FER: variants seen among roughly 807,000 people sequenced by gnomAD.
The protein encoded by FER is tyrosine-protein kinase Fer.
FER carries 63 observed loss-of-function variants against 111.0 expected under a neutral mutation model. The observed-to-expected ratio is 0.57, with a 90% CI of 0.46 to 0.70. FER has a LOEUF of 0.70. FER is among the 30% of genes least tolerant of loss of function. The pLI is 0.00. For synonymous variants in FER, 327 were observed against 313.9 expected, an observed-to-expected ratio of 1.04 and a Z score of -0.44; for missense variants, 914 against 954.0, an observed-to-expected ratio of 0.96 and a Z score of 0.55.
intron 5 of FER, among the ~76,000 whole-genome samples, chr5:108,841,107 T>C (rs1033908809): frequency 2.0e-5 from 3 of 152,220 alleles, no homozygotes; most frequent in Non-Finnish European, 4.4e-5. Flanking sequence ...AAAGCTTTGC[T>C]GATACCCTTC....
At chr5:109,129,860 C>T (rs902535019) in intron 17 of FER, among the ~76,000 whole-genome samples, 1 of 151,886 alleles carries the variant, frequency 6.6e-6, no homozygotes, top group African/African-American at 2.4e-5. Flanking sequence ...TTTAGTTGCC[C>T]ATCATATTGT....
intron 17 of FER, among the ~76,000 whole-genome samples, chr5:109,122,838 T>C (rs1277392506): frequency 6.6e-6 from 1 of 152,186 alleles, no homozygotes; most frequent in Non-Finnish European, 1.5e-5. Context: ...GTCTCTTTTT[T>C]AGTTTTTGTC....
In FER at chr5:109,189,134, C is replaced by T. The variant is rs931119156; in HGVS notation, c.*1559C>T. ...TCTCATGTGAATAAAATGTAACTCA[C>T]TCACTCAGTTAAAACTAGGATTCTG... is the stretch of plus-strand genomic sequence containing the variant. On this transcript the variant is annotated 3_prime_UTR_variant, in exon 20 of 20. Transcript: ENST00000281092. The T allele has an allele frequency of 6.6e-6, 1 of 152,232 alleles. No homozygotes were observed. The highest frequency in any genetic ancestry group is 1.5e-5 in the Non-Finnish European group (1 of 68,054). 9.4% of individuals were successfully genotyped at this position (152,232 alleles called of 1,614,324 possible). A position where few individuals can be genotyped will look rare whatever the true frequency, so the allele number is the denominator to read the frequency against.
intron 10 of FER, among the ~76,000 whole-genome samples, chr5:108,943,294 A>G (rs1051120461): frequency 1.3e-5 from 2 of 152,172 alleles, no homozygotes; most frequent in African/African-American, 4.8e-5. Flanking sequence ...TGAAAATTTT[A>G]TCTAGCCAGT....
intron 17 of FER, among the ~76,000 whole-genome samples, chr5:109,143,931 A>G (rs1488916579): frequency 3.3e-5 from 5 of 151,662 alleles, no homozygotes; most frequent in African/African-American, 1.2e-4. Context: ...AGTTTCAAGC[A>G]GTATCTTTGG....
At chr5:108,768,497 C>T (rs1752559369) in intron 2 of FER, among the ~76,000 whole-genome samples, 1 of 152,186 alleles carries the variant, frequency 6.6e-6, no homozygotes, top group South Asian at 2.1e-4. Flanking sequence ...ATCTCTTCCT[C>T]AATCTGTGTG....
intron 10 of FER, among the ~76,000 whole-genome samples, chr5:108,918,784 G>A (rs185540850): frequency 2.0e-5 from 3 of 152,282 alleles, no homozygotes; most frequent in East Asian, 1.9e-4. Context: ...ACCGCGCCCC[G>A]CCTTGGACTG....
intron 16 of FER, among the ~76,000 whole-genome samples, chr5:109,052,940 G>A (rs1418588768): frequency 6.6e-6 from 1 of 152,176 alleles, no homozygotes; most frequent in Non-Finnish European, 1.5e-5. Context: ...TGATCTTGCA[G>A]TTTGAATGCC....
intron 10 of FER, among the ~76,000 whole-genome samples, chr5:108,933,308 A>G (rs188324862): frequency 1.3e-5 from 2 of 152,350 alleles, no homozygotes; most frequent in South Asian, 2.1e-4. Flanking sequence ...AGTTTTCTGC[A>G]TATGGCTAGC....
chr5:108,811,917 C>G (rs1181396623), intron 3 of FER, among the ~76,000 whole-genome samples: 26 of 151,612 alleles, frequency 1.7e-4, no homozygotes, highest in Admixed American at 1.7e-3. Context: ...TGCTTGTCAT[C>G]GAATCTTCTG....
chr5:108,794,595 T>C (rs1418816317), intron 2 of FER, among the ~76,000 whole-genome samples: 2 of 146,962 alleles, frequency 1.4e-5, no homozygotes, highest in Non-Finnish European at 3.0e-5. Context: ...TCCTTCAGCT[T>C]TTGTTTGTTT....
At chr5:109,092,590 T>TA (rs1561884555) in intron 16 of FER, among the ~76,000 whole-genome samples, 1 of 151,902 alleles carries the variant, frequency 6.6e-6, no homozygotes, top group South Asian at 2.1e-4. Flanking sequence ...ATGGCCACTA[T>TA]AAAAAAAGTA....
intron 17 of FER, among the ~76,000 whole-genome samples, chr5:109,100,976 CTT>C (rs34821096): frequency 0.4 from 60,374 of 151,500 alleles, 12,717 homozygotes; most frequent in African/African-American, 0.54. Context: ...ATTTAATGCT[CTT>C]TTGGACAAAT....
chr5:108,895,798 G>A (rs1326889569), intron 9 of FER, among the ~76,000 whole-genome samples: 2 of 152,134 alleles, frequency 1.3e-5, no homozygotes, highest in African/African-American at 2.4e-5. Flanking sequence ...GTTTAAGAGA[G>A]TAAAATGTAT....
At chr5:108,983,251 AC>A (rs1414162170) in intron 13 of FER, among the ~76,000 whole-genome samples, 1 of 152,046 alleles carries the variant, frequency 6.6e-6, no homozygotes, top group Non-Finnish European at 1.5e-5. Context: ...AATTACTAGC[AC>A]AAAATTACAA....
chr5:108,792,403 T>C (rs1755481603), intron 2 of FER, among the ~76,000 whole-genome samples: 1 of 152,166 alleles, frequency 6.6e-6, no homozygotes, highest in Non-Finnish European at 1.5e-5. Flanking sequence ...GCAGTGGGCG[T>C]GATTTTGACT....
At chr5:109,011,934 C>T (rs180743536) in intron 13 of FER, among the ~76,000 whole-genome samples, 326 of 152,328 alleles carry the variant, frequency 2.1e-3, no homozygotes, top group African/African-American at 7.3e-3. Context: ...AACACTCATG[C>T]GTCAGTTACT....
chr5:108,916,623 G>A (rs1005805003), intron 10 of FER, among the ~76,000 whole-genome samples: 9 of 152,020 alleles, frequency 5.9e-5, no homozygotes, highest in Non-Finnish European at 1.0e-4. Flanking sequence ...ATTACAGATA[G>A]CTGTATTTTT....
intron 13 of FER, among the ~76,000 whole-genome samples, chr5:109,034,261 G>C (rs577499223): frequency 6.6e-6 from 1 of 152,148 alleles, no homozygotes; most frequent in South Asian, 2.1e-4. Context: ...ATTATCTAAG[G>C]ACACTGAAAT....
Sources: gnomAD v4.1 joint callset for allele counts (sites outside exome capture counted in the v4.1 genomes callset) on GRCh38, gnomAD v4.1.1 for gene constraint, MANE v1.5 for transcripts, NCBI Gene and HGNC (gene_info 2026-07-23, HGNC 2026-07-21) for gene names.